Variants in COG4 observed in about 807,000 individuals in gnomAD.
COG4 encodes component of oligomeric golgi complex 4.
COG4 carries 65 observed loss-of-function variants against 95.1 expected under a neutral mutation model. That is an observed-to-expected ratio of 0.68 (90% CI 0.56 to 0.84). COG4 has a LOEUF of 0.84. Among genes scored for constraint, COG4 ranks in the 40% least tolerant of loss-of-function variants. The probability of loss-of-function intolerance (pLI) is 0.00; values close to 1 mark genes in which losing one functional copy is unlikely to be tolerated. For missense variants in COG4, 1,045 were observed against 989.1 expected (o/e 1.06, Z -0.76); for synonymous variants, 421 against 374.8 (o/e 1.12, Z -1.42).
Position 70,483,902 on chromosome 16 carries a change from C to T in COG4, c.1778G>A (p.Cys593Tyr). 6.2e-7 allele frequency: 1 copy of T among 1,613,418 alleles called. No homozygotes were observed. The highest frequency in any genetic ancestry group is 8.5e-7 in the Non-Finnish European group (1 of 1,180,024). The change falls in exon 14 of 19, where the codon TGC becomes TAC. Residue 593 changes from cysteine to tyrosine, a missense_variant. Cys to Tyr is a radical substitution (Grantham distance 194). Transcript: ENST00000323786. ...GGACACGGCGGCCAAGTCAGAAAGGCAGCTGTCAAACTTGGCCTGGGCCTG... is the reference window on the plus strand; with the variant it reads ...GGACACGGCGGCCAAGTCAGAAAGGTAGCTGTCAAACTTGGCCTGGGCCTG... ...GEQAQAKFDSCLSDLAAVSNK... is the reference protein window; with the variant it reads ...GEQAQAKFDSYLSDLAAVSNK...
At chr16:70,492,882 G>A (rs944601075) in intron 12 of COG4, among the ~76,000 whole-genome samples, 3 of 151,812 alleles carry the variant, frequency 2.0e-5, no homozygotes, top group African/African-American at 7.3e-5. Flanking sequence ...AGAATCGCTT[G>A]AACCTATGAG....
chr16:70,512,859 T>C lies in COG4; in HGVS notation c.545-427A>G, dbSNP rs1338854913. 2.0e-5 allele frequency among the ~76,000 whole-genome samples: 3 copies of C among 152,166 alleles called. No individual in the cohort carries two copies. The East Asian group carries it at 5.8e-4, about 29-fold the overall frequency. ...TGGGCATGGTGGCATGCGCCTGTAGTCCCAGTTACTCAGGAGGCTGAGGCA... is the reference window on the plus strand; with the variant it reads ...TGGGCATGGTGGCATGCGCCTGTAGCCCCAGTTACTCAGGAGGCTGAGGCA... On this transcript the variant is annotated intron_variant, in intron 4 of 18. Coordinates refer to ENST00000323786, the MANE Select transcript of COG4 (RefSeq NM_015386.3).
chr16:70,485,592 T>G (rs1453974140), intron 13 of COG4, among the ~76,000 whole-genome samples: 4 of 150,330 alleles, frequency 2.7e-5, no homozygotes, highest in African/African-American at 9.8e-5. Context: ...TTTTTGTTTT[T>G]TTTTTTTTTT....
intron 13 of COG4, among the ~76,000 whole-genome samples, chr16:70,490,075 C>T (rs1286777995): frequency 2.0e-5 from 3 of 152,156 alleles, no homozygotes; most frequent in African/African-American, 7.2e-5. Flanking sequence ...GCCTTGGCCT[C>T]CGAAAGTGCT....
chr16:70,523,099 G>A, intron 1 of COG4: 1 of 516,374 alleles, frequency 1.9e-6, no homozygotes, highest in Non-Finnish European at 3.5e-6. Context: ...TACTCCCGTG[G>A]AGAAACTGGT....
intron 12 of COG4, among the ~76,000 whole-genome samples, chr16:70,495,114 G>A (rs2049312871): frequency 6.6e-6 from 1 of 151,932 alleles, no homozygotes; most frequent in African/African-American, 2.4e-5. Flanking sequence ...ATGATAACCA[G>A]GCACGGTAGC....
intron 8 of COG4, among the ~76,000 whole-genome samples, chr16:70,505,081 A>G (rs772459961): frequency 3.3e-5 from 5 of 152,200 alleles, no homozygotes; most frequent in Non-Finnish European, 7.3e-5. Flanking sequence ...GATGCCACGA[A>G]GAAAAAATTA....
At chr16:70,485,546 T>C (rs568510298) in intron 13 of COG4, among the ~76,000 whole-genome samples, 28 of 151,210 alleles carry the variant, frequency 1.9e-4, no homozygotes, top group Admixed American at 9.3e-4. Context: ...GAGCTGGGAC[T>C]CTAGGCCAGG....
At chr16:70,520,077 G>T (rs992104277) in intron 1 of COG4, among the ~76,000 whole-genome samples, 15 of 152,172 alleles carry the variant, frequency 9.9e-5, no homozygotes, top group Admixed American at 5.2e-4. Context: ...CCAGGTGGGT[G>T]GATCACCTGA....
rs913088586 is a variant in COG4 at position 70,503,565 on chromosome 16, A to G, written c.1062-2474T>C. 2.3e-4 allele frequency among the ~76,000 whole-genome samples: 34 copies of G among 150,498 alleles called. 1 individual carries two copies. Among genetic ancestry groups the G allele is most frequent in the African/African-American group, 8.3e-4 (34 of 40,950 alleles). ...ACATGCTTTCCTTGCTCTATCTGGA[A>G]TACTCCTCACATCTTAACTCCTACT... On this transcript the variant is annotated intron_variant, in intron 8 of 18. Coordinates refer to ENST00000323786, the MANE Select transcript of COG4 (RefSeq NM_015386.3).
At chr16:70,508,197 G>T (rs1295661223) in intron 8 of COG4, among the ~76,000 whole-genome samples, 1 of 152,150 alleles carries the variant, frequency 6.6e-6, no homozygotes, top group Non-Finnish European at 1.5e-5. Context: ...GGGATTACAG[G>T]TGTGAGCCAC....
In COG4 at chr16:70,519,657, G is replaced by A. The variant is rs752196239; in HGVS notation, c.246C>T (p.His82=). The part of the protein sequence containing the change: ...NTIESKMVTL[H]RMGPNLQLIE... The stretch of plus-strand genomic sequence containing the variant: ...GAGATGCACAGACTCACCCCATTCG[G>A]TGGAGAGTGACCATCTTACTTTCAA... Residue 82 remains histidine (H), a synonymous_variant, in exon 2 of 19, where the codon CAC becomes CAT. Coordinates refer to ENST00000323786, the MANE Select transcript of COG4 (RefSeq NM_015386.3). 2 of 1,612,524 alleles carry A rather than the reference G, an allele frequency of 1.2e-6. No individual in the cohort carries two copies. Among genetic ancestry groups the A allele is most frequent in the South Asian group, 1.1e-5 (1 of 91,008 alleles).
At chr16:70,499,257 T>C (rs1233719781) in intron 9 of COG4, among the ~76,000 whole-genome samples, 2 of 152,206 alleles carry the variant, frequency 1.3e-5, no homozygotes, top group African/African-American at 4.8e-5. Flanking sequence ...GTAATTAAAT[T>C]TGAATTTGAA....
At chr16:70,516,707 T>C (rs1205472734) in intron 3 of COG4, among the ~76,000 whole-genome samples, 2 of 152,172 alleles carry the variant, frequency 1.3e-5, no homozygotes, top group Admixed American at 1.3e-4. Flanking sequence ...ATGGTGCTCT[T>C]CTAATCTCTA....
intron 8 of COG4, among the ~76,000 whole-genome samples, chr16:70,507,955 C>T (rs1176015496): frequency 6.6e-6 from 1 of 151,814 alleles, no homozygotes; most frequent in Admixed American, 6.6e-5. Flanking sequence ...GAGTCTCGCT[C>T]TGTAACCCAG....
rs957430456 is a variant in COG4, at chr16:70,517,798, T to A, written c.255-58A>T. 9 of 1,139,154 alleles carry A rather than the reference T, an allele frequency of 7.9e-6. No homozygotes were observed. In the African/African-American group the frequency reaches 1.4e-4, roughly 17 times the overall value. 70.6% of individuals were successfully genotyped at this position (1,139,154 alleles called of 1,614,324 possible). On this transcript the variant is annotated intron_variant, in intron 2 of 18. Transcript: ENST00000323786. ...GATAGGGCAGAGAAGAGACAGAAAC[T>A]TTTTTTTGCATATGGACACTATGTC... is the stretch of plus-strand genomic sequence containing the variant.
At position 70,508,256 on chromosome 16, in the gene COG4, T is replaced by C. The variant is rs1481379706; in HGVS notation, c.1061+150A>G. ...TTACACAATTTATTTATATATACTT[T>C]TGTTCATATGATACATTGCACTGAA... On this transcript the variant is annotated intron_variant, in intron 8 of 18. Transcript: ENST00000323786. 6 of 733,164 alleles carry C rather than the reference T, an allele frequency of 8.2e-6. No homozygotes were observed. The Admixed American group carries it at 1.3e-4, about 16-fold the overall frequency. 45.4% of individuals were successfully genotyped at this position (733,164 alleles called of 1,614,324 possible).
intron 13 of COG4, among the ~76,000 whole-genome samples, chr16:70,486,083 G>A (rs1477735874): frequency 6.6e-6 from 1 of 151,796 alleles, no homozygotes; most frequent in Admixed American, 6.6e-5. Flanking sequence ...TTTTAGTAGA[G>A]ATGGGGTTTC....
In COG4 at chr16:70,497,404, GC is replaced by G; in HGVS notation, c.1315-18del. On this transcript the variant is annotated intron_variant, in intron 10 of 18. Coordinates refer to ENST00000323786, the MANE Select transcript of COG4 (RefSeq NM_015386.3). ...AGCCACAGCCTACCCAAAAGGCAAA[GC>G]CAACACTGAGGGTCCCAGTTGTGCA... 6.2e-7 allele frequency: 1 copy of G among 1,611,106 alleles called. No homozygotes were observed. The highest frequency in any genetic ancestry group is 2.2e-5 in the East Asian group (1 of 44,890).
Sources: allele counts gnomAD v4.1 joint callset (sites outside exome capture counted in the v4.1 genomes callset), GRCh38; gene constraint gnomAD v4.1.1; transcripts MANE v1.5; gene names NCBI Gene and HGNC (gene_info 2026-07-23, HGNC 2026-07-21).